Variants in SMYD4 observed in about 807,000 individuals in gnomAD.
SMYD4 encodes the protein SET and MYND domain containing 4, also known as protein-lysine N-methyltransferase SMYD4.
A neutral mutation model predicts 72.8 loss-of-function variants in SMYD4; 68 were observed. The observed-to-expected ratio is 0.93, with a 90% CI of 0.77 to 1.14. The LOEUF is 1.14. Among genes scored for constraint, SMYD4 ranks in the 50% most tolerant of loss-of-function variants. SMYD4 has a pLI of 0.00. For missense variants in SMYD4, 984 were observed against 1,003.7 expected (o/e 0.98, Z 0.27); for synonymous variants, 407 against 388.6 (o/e 1.05, Z -0.56).
intron 2 of SMYD4, among the ~76,000 whole-genome samples, chr17:1,825,150 T>G (rs935495018): frequency 6.6e-6 from 1 of 152,194 alleles, no homozygotes; most frequent in Admixed American, 6.6e-5. Flanking sequence ...TGAGTAGGAA[T>G]TTAATTTTAA....
chr17:1,788,553 G>A (rs1354565505), intron 5 of SMYD4, among the ~76,000 whole-genome samples: 1 of 151,572 alleles, frequency 6.6e-6, no homozygotes, highest in Non-Finnish European at 1.5e-5. Flanking sequence ...AGACCATCCT[G>A]ACTAACACGG....
intron 2 of SMYD4, among the ~76,000 whole-genome samples, chr17:1,823,063 A>T: frequency 6.6e-6 from 1 of 151,884 alleles, no homozygotes; most frequent in Non-Finnish European, 1.5e-5. Flanking sequence ...AAGCCCAACA[A>T]CATTTTTTAT....
Position 1,800,092 on chromosome 17 carries a change from G to C in SMYD4, c.1302C>G (p.Asn434Lys). ...AGAGGAATTTGTGCTCTGGGCTATG[G>C]TTTTCAGTGTGGGGCAAAAGGTTGA... Reference protein sequence around the residue: ...AVFNLLPHTENHSPEHKFLCA... With the variant: ...AVFNLLPHTEKHSPEHKFLCA... The change falls in exon 5 of 11, where the codon AAC becomes AAG. Residue 434 changes from asparagine (N) to lysine (K), a missense_variant. Physicochemically the swap from Asn to Lys is moderately conservative, Grantham distance 94. Transcript: ENST00000305513. The C allele has an allele frequency of 6.2e-7, 1 of 1,611,640 alleles. No homozygotes were observed. Among genetic ancestry groups the C allele is most frequent in the Non-Finnish European group, 8.5e-7 (1 of 1,178,332 alleles).
chr17:1,799,572 C>T (rs1909593851), intron 5 of SMYD4, among the ~76,000 whole-genome samples: 1 of 151,888 alleles, frequency 6.6e-6, no homozygotes, highest in Admixed American at 6.6e-5. Context: ...GACGGGGTTT[C>T]ACCATGTTGG....
chr17:1,800,546 C>A lies in SMYD4; in HGVS notation c.848G>T (p.Ser283Ile), dbSNP rs542550896. 5 of 1,614,068 alleles carry A rather than the reference C, an allele frequency of 3.1e-6. No homozygotes were observed. The highest frequency in any genetic ancestry group is 1.7e-5 in the Admixed American group (1 of 59,990). ...ATTGGTGACTCTGGTGTCCCATTTG[C>A]TGTCTAGGCCGTGATGCGGTGGTGG... ...ELPPPHHGLDSKWDTRVTNGD... is the reference protein window; with the variant it reads ...ELPPPHHGLDIKWDTRVTNGD... Residue 283 changes from serine (S) to isoleucine (I), a missense_variant, in exon 5 of 11, where the codon AGC (serine) becomes ATC (isoleucine). Coordinates refer to ENST00000305513, the MANE Select transcript of SMYD4 (RefSeq NM_052928.3).
intron 2 of SMYD4, among the ~76,000 whole-genome samples, chr17:1,827,451 C>A (rs1229788996): frequency 6.6e-6 from 1 of 151,832 alleles, no homozygotes; most frequent in Non-Finnish European, 1.5e-5. Flanking sequence ...AGAGCACACA[C>A]ATATATAAAG....
chr17:1,809,925 T>C (rs1393958514), intron 3 of SMYD4, among the ~76,000 whole-genome samples: 1 of 152,152 alleles, frequency 6.6e-6, no homozygotes, highest in Non-Finnish European at 1.5e-5. Flanking sequence ...CCTCCCAAAA[T>C]GCTGGGATTA....
At chr17:1,801,540 C>T (rs2151235859) in intron 4 of SMYD4, among the ~76,000 whole-genome samples, 1 of 150,312 alleles carries the variant, frequency 6.7e-6, no homozygotes, top group South Asian at 2.1e-4. Flanking sequence ...GCGCCCAGCC[C>T]CTGGATTAAA....
intron 2 of SMYD4, among the ~76,000 whole-genome samples, chr17:1,816,642 T>A (rs1213640554): frequency 6.6e-6 from 1 of 151,590 alleles, no homozygotes; most frequent in Non-Finnish European, 1.5e-5. Flanking sequence ...AATTTTTTTT[T>A]AAGAGATGGA....
intron 5 of SMYD4, among the ~76,000 whole-genome samples, chr17:1,795,319 T>C (rs1182265833): frequency 1.3e-5 from 2 of 151,512 alleles, no homozygotes; most frequent in South Asian, 2.1e-4. Context: ...TCGCCCTGGC[T>C]ATCTATCTAT....
chr17:1,808,329 A>G (rs1393974680), intron 3 of SMYD4, among the ~76,000 whole-genome samples: 1 of 152,218 alleles, frequency 6.6e-6, no homozygotes, highest in Non-Finnish European at 1.5e-5. Context: ...ACATGAGAAA[A>G]TGGGCACAAT....
chr17:1,827,794 C>A, intron 2 of SMYD4, 67 bp downstream of exon 2: 1 of 1,550,816 alleles, frequency 6.4e-7, no homozygotes, highest in Non-Finnish European at 8.8e-7. Flanking sequence ...CACATTACTT[C>A]AGAGCAAATG....
chr17:1,825,818 C>G (rs7225692), intron 2 of SMYD4, among the ~76,000 whole-genome samples: 112,908 of 151,496 alleles, frequency 0.75, 42,983 homozygotes, highest in Non-Finnish European at 0.82. Flanking sequence ...TTCTTTTATA[C>G]CTTCTGGGTT....
chr17:1,783,309 G>C (rs985328214), intron 9 of SMYD4, 51 bp downstream of exon 9: 3 of 1,610,266 alleles, frequency 1.9e-6, no homozygotes, highest in Admixed American at 1.7e-5. Context: ...CCACGGCGAA[G>C]TGCCCACAGC....
At chr17:1,786,723 C>T (rs868628772) in intron 7 of SMYD4, 87 bp downstream of exon 7, 1 of 1,535,588 alleles carries the variant, frequency 6.5e-7, no homozygotes, top group South Asian at 1.2e-5. Context: ...CTTACAAGTC[C>T]CTGATGGCTT....
chr17:1,800,385 G>C lies in SMYD4; in HGVS notation c.1009C>G (p.Leu337Val), dbSNP rs780696227. 6 of 1,614,218 alleles carry C rather than the reference G, an allele frequency of 3.7e-6. No individual in the cohort carries two copies. Among genetic ancestry groups the C allele is most frequent in the Middle Eastern group, 3.3e-4 (2 of 6,062 alleles). ...CCCAGTGTGAGAAGCAGCCCTCCCA[G>C]AGGACATTCTGTCCTGTGGTAGAGC... is the stretch of plus-strand genomic sequence containing the variant. ...WELYHRTECP[L>V]GGLLLTLGVF... The change falls in exon 5 of 11, where the codon CTG (leucine) becomes GTG (valine). Residue 337 changes from leucine (L) to valine (V), a missense_variant. Transcript: ENST00000305513.
chr17:1,788,634 A>C (rs1908835193), intron 5 of SMYD4, among the ~76,000 whole-genome samples: 2 of 151,858 alleles, frequency 1.3e-5, no homozygotes, highest in Admixed American at 6.6e-5. Flanking sequence ...AGTCCCAGCT[A>C]CTCAGGAGGC....
chr17:1,786,984 A>G lies in SMYD4; in HGVS notation c.1721-11T>C. The G allele has an allele frequency of 6.2e-7, 1 of 1,607,212 alleles. No individual in the cohort carries two copies. Among genetic ancestry groups the G allele is most frequent in the Non-Finnish European group, 8.5e-7 (1 of 1,178,456 alleles). On this transcript the variant is annotated splice_polypyrimidine_tract_variant and intron_variant, in intron 6 of 10. Coordinates refer to ENST00000305513, the MANE Select transcript of SMYD4 (RefSeq NM_052928.3). Reference sequence around the variant, plus strand: ...GGCTCTTGTGAGGCCCTGGAGGGAGATCACCGTCAGCCAATATTGAAAGCA... The same window carrying G: ...GGCTCTTGTGAGGCCCTGGAGGGAGGTCACCGTCAGCCAATATTGAAAGCA...
intron 5 of SMYD4, among the ~76,000 whole-genome samples, chr17:1,790,593 T>C (rs1003687325): frequency 1.3e-5 from 2 of 152,196 alleles, no homozygotes; most frequent in East Asian, 2.0e-4. Context: ...CTCATCTCAC[T>C]GCAACCTCCG....
Sources: allele counts gnomAD v4.1 joint callset (sites outside exome capture counted in the v4.1 genomes callset), GRCh38; gene constraint gnomAD v4.1.1; transcripts MANE v1.5; gene names NCBI Gene and HGNC (gene_info 2026-07-23, HGNC 2026-07-21).